Variants in CFAP61 observed in about 807,000 individuals in gnomAD.
The protein encoded by CFAP61 is cilia- and flagella-associated protein 61.
A neutral mutation model predicts 135.6 loss-of-function variants in CFAP61; 107 were observed. That is an observed-to-expected ratio of 0.79 (90% CI 0.67 to 0.93). CFAP61 has a LOEUF of 0.93. Among genes scored for constraint, CFAP61 ranks in the 40% least tolerant of loss-of-function variants. The pLI is 0.00. For missense variants in CFAP61, 1,507 were observed against 1,556.2 expected, an observed-to-expected ratio of 0.97 and a Z score of 0.53; for synonymous variants, 575 against 578.5, an observed-to-expected ratio of 0.99 and a Z score of 0.09.
At chr20:20,164,876 T>G (rs1021531873) in intron 11 of CFAP61, among the ~76,000 whole-genome samples, 3 of 152,180 alleles carry the variant, frequency 2.0e-5, no homozygotes, top group African/African-American at 7.2e-5. Context: ...ATGAAAGCCA[T>G]GTCTTACATG....
chr20:20,188,195 G>A (rs2055653307), intron 14 of CFAP61, 139 bp downstream of exon 14: 1 of 835,344 alleles, frequency 1.2e-6, no homozygotes, highest in Non-Finnish European at 1.9e-6. Context: ...GAAGATGGGA[G>A]CAAGAAGAGA....
intron 7 of CFAP61, among the ~76,000 whole-genome samples, chr20:20,091,283 C>A (rs1464039216): frequency 6.6e-6 from 1 of 152,224 alleles, no homozygotes; most frequent in Non-Finnish European, 1.5e-5. Context: ...ATCCCCAAAT[C>A]TCAGACTTCA....
chr20:20,068,842 T>G (rs1000589466), intron 2 of CFAP61, among the ~76,000 whole-genome samples: 2 of 152,338 alleles, frequency 1.3e-5, no homozygotes, highest in East Asian at 1.9e-4. Flanking sequence ...CCTCCCAGGT[T>G]CAAGCCATTC....
chr20:20,204,456 A>G (rs945613643), intron 17 of CFAP61, among the ~76,000 whole-genome samples: 4 of 152,188 alleles, frequency 2.6e-5, no homozygotes, highest in Admixed American at 6.5e-5. Flanking sequence ...GCATTCAGTT[A>G]CCCTTTGAAT....
chr20:20,312,589 G>A (rs945207987), intron 25 of CFAP61, among the ~76,000 whole-genome samples: 1 of 152,116 alleles, frequency 6.6e-6, no homozygotes, highest in African/African-American at 2.4e-5. Context: ...TCACAAATCT[G>A]AGAAGCTCAG....
At chr20:20,293,389 A>AATT (rs1334465754) in intron 24 of CFAP61, among the ~76,000 whole-genome samples, 3 of 152,208 alleles carry the variant, frequency 2.0e-5, no homozygotes, top group Non-Finnish European at 4.4e-5. Context: ...CCTCCTTTTT[A>AATT]ATTAGTACAG....
At chr20:20,131,960 A>G (rs576486732) in intron 8 of CFAP61, among the ~76,000 whole-genome samples, 2 of 152,132 alleles carry the variant, frequency 1.3e-5, no homozygotes, top group African/African-American at 2.4e-5. Flanking sequence ...TCTTTCAACA[A>G]ATTTTTAAGT....
intron 17 of CFAP61, chr20:20,200,913 G>C (rs1281235113): frequency 6.1e-6 from 6 of 985,250 alleles, no homozygotes; most frequent in Non-Finnish European, 7.2e-6. Flanking sequence ...GATGGGGAGG[G>C]CACCTCCATC....
chr20:20,169,173 T>C (rs2054042912), intron 12 of CFAP61, 148 bp from the exon 13 acceptor site: 20 of 703,926 alleles, frequency 2.8e-5, no homozygotes, highest in Non-Finnish European at 3.3e-5. Flanking sequence ...TATGTGATTA[T>C]TTTCCAAATT....
At chr20:20,152,535 TC>T (rs770573108) in intron 9 of CFAP61, among the ~76,000 whole-genome samples, 7 of 152,142 alleles carry the variant, frequency 4.6e-5, no homozygotes, top group Non-Finnish European at 1.0e-4. Context: ...AAAAGTTATT[TC>T]ATGCAAATGG....
chr20:20,219,670 A>G (rs2048268742), intron 17 of CFAP61, among the ~76,000 whole-genome samples: 1 of 152,074 alleles, frequency 6.6e-6, no homozygotes, highest in Non-Finnish European at 1.5e-5. Flanking sequence ...AACAATATAA[A>G]TTTTTTTCAT....
At chr20:20,350,819 A>C (rs1004918531) in intron 26 of CFAP61, among the ~76,000 whole-genome samples, 1 of 152,246 alleles carries the variant, frequency 6.6e-6, no homozygotes, top group African/African-American at 2.4e-5. Flanking sequence ...CCATGAAGAG[A>C]AATGAGGTAC....
chr20:20,108,036 G>A (rs12625068), intron 8 of CFAP61, among the ~76,000 whole-genome samples: 14,826 of 152,108 alleles, frequency 0.097, 1,523 homozygotes, highest in East Asian at 0.59. Context: ...ATAAATGTGG[G>A]AAAATATTAA....
chr20:20,123,691 T>G (rs986986245), intron 8 of CFAP61, among the ~76,000 whole-genome samples: 3 of 151,858 alleles, frequency 2.0e-5, no homozygotes, highest in Non-Finnish European at 4.4e-5. Context: ...TTCTTTTTGC[T>G]TAGTCTTGCT....
At chr20:20,326,921 A>G (rs1194231551) in intron 25 of CFAP61, among the ~76,000 whole-genome samples, 1 of 152,162 alleles carries the variant, frequency 6.6e-6, no homozygotes, top group Non-Finnish European at 1.5e-5. Flanking sequence ...ATTACCATTC[A>G]GGTCTTTTTA....
chr20:20,115,127 T>C (rs543062713), intron 8 of CFAP61, among the ~76,000 whole-genome samples: 25 of 152,200 alleles, frequency 1.6e-4, no homozygotes, highest in African/African-American at 5.5e-4. Flanking sequence ...ATGTTTTGTT[T>C]AGGATTTTTG....
chr20:20,085,658 T>C, intron 6 of CFAP61: 1 of 506,582 alleles, frequency 2.0e-6, no homozygotes. Context: ...TCTGTGTCCA[T>C]CGTATATTTA....
At chr20:20,348,540 A>G (rs2058712937) in intron 26 of CFAP61, among the ~76,000 whole-genome samples, 1 of 152,026 alleles carries the variant, frequency 6.6e-6, no homozygotes, top group African/African-American at 2.4e-5. Context: ...ATATAAAAAA[A>G]TTAGCCAAGC....
In CFAP61 at chr20:20,144,905, C is replaced by T. The variant is rs141548646; in HGVS notation, c.951+1957C>T. 3.8e-3 allele frequency among the ~76,000 whole-genome samples: 578 copies of T among 152,162 alleles called. 4 individuals are homozygous for T. Among genetic ancestry groups the T allele is most frequent in the African/African-American group, 0.013 (557 of 41,518 alleles). ...TAAAGAAATAGAAGAAAATAAACTC[C>T]ACCCTAGAATTTTATACCCAGTAAA... On this transcript the variant is annotated intron_variant, in intron 9 of 26. Coordinates refer to ENST00000245957, the MANE Select transcript of CFAP61 (RefSeq NM_015585.4).
Sources: allele counts gnomAD v4.1 joint callset (sites outside exome capture counted in the v4.1 genomes callset), GRCh38; gene constraint gnomAD v4.1.1; transcripts MANE v1.5; gene names NCBI Gene and HGNC (gene_info 2026-07-23, HGNC 2026-07-21).